Variants in NLGN4X observed in about 807,000 individuals in gnomAD.
NLGN4X encodes the protein neuroligin 4 X-linked, also known as neuroligin-4, X-linked.
In NLGN4X, 3 loss-of-function variants were observed where a neutral mutation model predicts 40.3. The ratio of observed to expected loss-of-function variants is 0.07; its 90% CI spans 0.03 to 0.19. The LOEUF is 0.19. NLGN4X is among the 10% of genes least tolerant of loss of function. The pLI is 1.00. For synonymous variants in NLGN4X, 270 were observed against 306.8 expected, an observed-to-expected ratio of 0.88 and a Z score of 1.25; for missense variants, 382 against 708.3, an observed-to-expected ratio of 0.54 and a Z score of 5.23.
Position 6,081,681 on chromosome X carries a change from C to T in NLGN4X, c.473-52249G>A, listed in dbSNP as rs922017445. On this transcript the variant is annotated intron_variant, in intron 2 of 5. Coordinates refer to ENST00000381095, the MANE Select transcript of NLGN4X (RefSeq NM_181332.3). Reference sequence around the variant, plus strand: ...GTGTCAAGGGAGTTGCAGTCAGACTCTAAGATACCTAGCCTGCAGGGCATG... The same window carrying T: ...GTGTCAAGGGAGTTGCAGTCAGACTTTAAGATACCTAGCCTGCAGGGCATG... Among the ~76,000 whole-genome samples the T allele has an allele frequency of 2.7e-5, 3 of 112,207 alleles. No individual in the cohort carries two copies. The Admixed American group carries it at 2.8e-4, about 11-fold the overall frequency.
intron 5 of NLGN4X, among the ~76,000 whole-genome samples, chrX:5,900,198 G>C (rs1467850405): frequency 1.8e-5 from 2 of 112,475 alleles, no homozygotes; most frequent in Non-Finnish European, 3.8e-5. Context: ...CAGTATGTGA[G>C]CTTATTTGGA....
At chrX:6,053,405 T>G (rs1181729819) in intron 2 of NLGN4X, among the ~76,000 whole-genome samples, 2 of 110,937 alleles carry the variant, frequency 1.8e-5, no homozygotes, top group African/African-American at 3.3e-5. Context: ...AGACTGGAAC[T>G]CCACGAGCAT....
chrX:5,926,656 C>A (rs2033329809), intron 3 of NLGN4X, among the ~76,000 whole-genome samples: 1 of 109,589 alleles, frequency 9.1e-6, no homozygotes, highest in Admixed American at 9.9e-5. Context: ...TCTAATTGTC[C>A]CATTACAGCT....
At chrX:6,067,187 C>T (rs1486321306) in intron 2 of NLGN4X, among the ~76,000 whole-genome samples, 1 of 110,463 alleles carries the variant, frequency 9.1e-6, no homozygotes, top group Admixed American at 9.7e-5. Flanking sequence ...TAACTAATGC[C>T]TATCATTGCC....
chrX:6,098,038 C>T (rs2038822232), intron 2 of NLGN4X, among the ~76,000 whole-genome samples: 1 of 112,805 alleles, frequency 8.9e-6, no homozygotes, highest in African/African-American at 3.2e-5. Flanking sequence ...ACCTGGAATC[C>T]CAGCACTTTG....
At chrX:5,953,009 G>A (rs965140616) in intron 3 of NLGN4X, among the ~76,000 whole-genome samples, 1 of 111,167 alleles carries the variant, frequency 9.0e-6, no homozygotes. Flanking sequence ...GTGATATTTA[G>A]AGAGATCTTT....
chrX:6,212,427 T>A (rs897490459), intron 1 of NLGN4X, among the ~76,000 whole-genome samples: 3 of 111,073 alleles, frequency 2.7e-5, no homozygotes, highest in African/African-American at 9.8e-5. Context: ...GAGGATGATA[T>A]CACCTTTTGA....
chrX:6,059,777 T>C (rs2037724997), intron 2 of NLGN4X, among the ~76,000 whole-genome samples: 1 of 111,733 alleles, frequency 8.9e-6, no homozygotes, highest in Admixed American at 9.5e-5. Flanking sequence ...GAAAAATACA[T>C]TTTAGCTATT....
chrX:6,033,296 A>G (rs762736970), intron 2 of NLGN4X, among the ~76,000 whole-genome samples: 1 of 112,062 alleles, frequency 8.9e-6, no homozygotes, highest in East Asian at 2.8e-4. Context: ...AATTTCATGC[A>G]TTAAAAACTT....
intron 1 of NLGN4X, among the ~76,000 whole-genome samples, chrX:6,201,150 A>G (rs1222849203): frequency 8.9e-6 from 1 of 112,279 alleles, no homozygotes; most frequent in East Asian, 2.8e-4. Flanking sequence ...GAAATTGATG[A>G]CTACCACAGA....
At chrX:6,142,280 A>G (rs753940048) in intron 2 of NLGN4X, among the ~76,000 whole-genome samples, 2 of 112,526 alleles carry the variant, frequency 1.8e-5, no homozygotes, top group East Asian at 5.6e-4. Context: ...TATTCCAAAC[A>G]TATGTAATTT....
chrX:5,906,832 C>T (rs1377327801), intron 4 of NLGN4X, among the ~76,000 whole-genome samples: 2 of 111,401 alleles, frequency 1.8e-5, no homozygotes, highest in African/African-American at 3.3e-5. Context: ...TAAAAATAAT[C>T]ATTCGGGAGG....
intron 2 of NLGN4X, among the ~76,000 whole-genome samples, chrX:6,073,687 T>C (rs1052646666): frequency 1.8e-5 from 2 of 110,902 alleles, no homozygotes; most frequent in Admixed American, 1.9e-4. Context: ...ATATATAAGA[T>C]ACTGCATTGG....
At chrX:5,927,350 C>T (rs2033372825) in intron 3 of NLGN4X, among the ~76,000 whole-genome samples, 1 of 111,969 alleles carries the variant, frequency 8.9e-6, no homozygotes, top group Admixed American at 9.5e-5. Context: ...ATTGTACTTT[C>T]TGTAGCATAT....
intron 3 of NLGN4X, among the ~76,000 whole-genome samples, chrX:6,006,541 T>C (rs148832971): frequency 2.8e-3 from 310 of 111,134 alleles, no homozygotes; most frequent in African/African-American, 9.7e-3. Flanking sequence ...TTAGAAAAAC[T>C]AGACCAAAGT....
At chrX:5,994,098 T>C (rs1283657911) in intron 3 of NLGN4X, among the ~76,000 whole-genome samples, 1 of 111,714 alleles carries the variant, frequency 9.0e-6, no homozygotes, top group Non-Finnish European at 1.9e-5. Flanking sequence ...TCTCACTGAA[T>C]GGTTGTCCTG....
At chrX:6,100,684 T>C (rs1302744895) in intron 2 of NLGN4X, among the ~76,000 whole-genome samples, 1 of 111,631 alleles carries the variant, frequency 9.0e-6, no homozygotes, top group Non-Finnish European at 1.9e-5. Context: ...GAGAAACAGA[T>C]ACCATACCAA....
chrX:6,103,677 G>A (rs1376871990), intron 2 of NLGN4X, among the ~76,000 whole-genome samples: 1 of 112,056 alleles, frequency 8.9e-6, no homozygotes, highest in East Asian at 2.8e-4. Context: ...GCTGGGTAGA[G>A]TTACAGTAGG....
At chrX:6,139,183 G>A (rs1418337540) in intron 2 of NLGN4X, among the ~76,000 whole-genome samples, 1 of 111,678 alleles carries the variant, frequency 9.0e-6, no homozygotes, top group Admixed American at 9.6e-5. Context: ...AAATTTGGAG[G>A]AGACTGAAAG....
Sources: allele counts gnomAD v4.1 joint callset (sites outside exome capture counted in the v4.1 genomes callset), GRCh38; gene constraint gnomAD v4.1.1; transcripts MANE v1.5; gene names NCBI Gene and HGNC (gene_info 2026-07-23, HGNC 2026-07-21).